The following DMXL2 variants were observed in gnomAD, a reference collection of about 807,000 sequenced individuals.
The protein encoded by DMXL2 is dmX-like protein 2.
In DMXL2, 103 loss-of-function variants were observed where a neutral mutation model predicts 331.1. The ratio of observed to expected loss-of-function variants is 0.31; its 90% CI spans 0.27 to 0.37. The LOEUF is 0.37. DMXL2 is among the 10% of genes least tolerant of loss of function. The pLI, the probability that DMXL2 is intolerant of heterozygous loss-of-function variation, is 1.00. For synonymous variants in DMXL2, 1,281 were observed against 1,252.1 expected (o/e 1.02, Z -0.49); for missense variants, 3,171 against 3,642.9 (o/e 0.87, Z 3.33).
At chr15:51,507,075 C>T (rs1296311832) in intron 16 of DMXL2, 59 bp downstream of exon 16, 4 of 1,327,684 alleles carry the variant, frequency 3.0e-6, no homozygotes, top group Non-Finnish European at 4.0e-6. Flanking sequence ...CAAAGTAAAG[C>T]ATATTCTATA....
rs2039718786 is a variant in DMXL2 at position 51,457,352 on chromosome 15, T to C, written c.8313A>G (p.Gly2771=). The C allele has an allele frequency of 3.1e-6, 5 of 1,614,158 alleles. No homozygotes were observed. Among genetic ancestry groups the C allele is most frequent in the Non-Finnish European group, 4.2e-6 (5 of 1,180,002 alleles). ...CCACACTAGCTCCAGTGCTAGTCTG[T>C]CCAGTGCCCAGCCATGGCAGAGATG... ...PPSSLPWLGT[G]QTSTGASVLM... The change falls in exon 37 of 44, where the codon GGA becomes GGG. Residue 2771 remains glycine (G), a synonymous_variant. Coordinates refer to ENST00000560891, the MANE Select transcript of DMXL2 (RefSeq NM_001378457.1).
intron 19 of DMXL2, among the ~76,000 whole-genome samples, chr15:51,492,179 A>G (rs2042850345): frequency 6.6e-6 from 1 of 152,200 alleles, no homozygotes; most frequent in African/African-American, 2.4e-5. Context: ...GGCCCGCCCA[A>G]GAGGACACAA....
At chr15:51,450,917 T>C (rs2141180044) in intron 42 of DMXL2, among the ~76,000 whole-genome samples, 1 of 149,810 alleles carries the variant, frequency 6.7e-6, no homozygotes, top group African/African-American at 2.5e-5. Flanking sequence ...TATTTCAAAA[T>C]GCATATCAGT....
At chr15:51,618,313 CTT>C (rs10577626) in intron 1 of DMXL2, among the ~76,000 whole-genome samples, 71,721 of 145,632 alleles carry the variant, frequency 0.49, 17,413 homozygotes, top group Non-Finnish European at 0.53. Context: ...TCTTGTAATT[CTT>C]TTTTTTTTTT....
chr15:51,479,332 C>G (rs2041837045), intron 25 of DMXL2, among the ~76,000 whole-genome samples: 1 of 152,184 alleles, frequency 6.6e-6, no homozygotes, highest in Admixed American at 6.5e-5. Flanking sequence ...AAAAGCATAG[C>G]ACAAATACAC....
At position 51,499,173 on chromosome 15, in the gene DMXL2, G is replaced by C. The variant is rs770865179; in HGVS notation, c.4051C>G (p.Gln1351Glu). 6.2e-7 allele frequency: 1 copy of C among 1,614,020 alleles called. No homozygotes were observed. The highest frequency in any genetic ancestry group is 2.2e-5 in the East Asian group (1 of 44,878). The stretch of plus-strand genomic sequence containing the variant: ...CCTAAATCCATCAATTCTAACAGCT[G>C]AGTTGGATGATATTGTGGAAGAGTA... ...SPTLPQYHPT[Q>E]LLELMDLGKV... Residue 1351 changes from glutamine (Q) to glutamate (E), a missense_variant, in exon 18 of 44, where the codon CAG becomes GAG. This residue lies in a region of DMXL2 where 1,674 missense variants were observed against 1,780.2 expected (regional missense o/e 0.94). Coordinates refer to ENST00000560891, the MANE Select transcript of DMXL2 (RefSeq NM_001378457.1).
At chr15:51,604,420 T>C (rs1003710576) in intron 1 of DMXL2, among the ~76,000 whole-genome samples, 4 of 148,434 alleles carry the variant, frequency 2.7e-5, no homozygotes, top group Non-Finnish European at 5.9e-5. Context: ...AAAAGAAGCC[T>C]AGTGCTAATA....
rs189084197 is a variant in DMXL2 at position 51,462,461 on chromosome 15, G to T, written c.7926+918C>A. ...AGCAATTCTCTTACCTCAACCTCCC[G>T]AGCAGCTGGGATTACAGACATGCGC... is the stretch of plus-strand genomic sequence containing the variant. On this transcript the variant is annotated intron_variant, in intron 33 of 43. Transcript: ENST00000560891. 5.9e-5 allele frequency among the ~76,000 whole-genome samples: 9 copies of T among 152,030 alleles called. No homozygotes were observed. In the East Asian group the frequency reaches 1.7e-3, roughly 29 times the overall value.
At chr15:51,599,915 G>T (rs1410537503) in intron 1 of DMXL2, among the ~76,000 whole-genome samples, 1 of 151,864 alleles carries the variant, frequency 6.6e-6, no homozygotes, top group Non-Finnish European at 1.5e-5. Flanking sequence ...TAGCCAGGAT[G>T]GTCTCAATCT....
chr15:51,553,577 T>C (rs1266909177), intron 6 of DMXL2, among the ~76,000 whole-genome samples: 3 of 152,218 alleles, frequency 2.0e-5, no homozygotes, highest in Non-Finnish European at 4.4e-5. Flanking sequence ...TTCTTCTGCC[T>C]CTGCCACCCA....
chr15:51,541,794 T>C (rs2048611976), intron 9 of DMXL2, among the ~76,000 whole-genome samples: 1 of 152,086 alleles, frequency 6.6e-6, no homozygotes, highest in South Asian at 2.1e-4. Flanking sequence ...AAATATGCAT[T>C]TGCCAACACA....
intron 13 of DMXL2, among the ~76,000 whole-genome samples, chr15:51,526,102 G>A (rs1441873291): frequency 6.9e-6 from 1 of 144,744 alleles, no homozygotes; most frequent in Non-Finnish European, 1.5e-5. Flanking sequence ...TCAGAAAAGA[G>A]AGAGAGAAAG....
chr15:51,458,778 G>A lies in DMXL2; in HGVS notation c.8007C>T (p.Gly2669=). The A allele has an allele frequency of 6.2e-7, 1 of 1,613,838 alleles. No individual in the cohort carries two copies. Among genetic ancestry groups the A allele is most frequent in the Non-Finnish European group, 8.5e-7 (1 of 1,179,888 alleles). Residue 2669 remains glycine (G), a synonymous_variant, in exon 35 of 44, where the codon GGC becomes GGT. Transcript: ENST00000560891. ...DCHIKVEADL[G]YPGGKAKVIH... is the part of the protein sequence containing the mutation. ...TGACTTTCGCCTTTCCACCTGGATA[G>A]CCCAGATCAGCTTCAACCTAGAAAA... is the stretch of plus-strand genomic sequence containing the variant.
chr15:51,609,509 T>G (rs1422044571), intron 1 of DMXL2, among the ~76,000 whole-genome samples: 2 of 152,208 alleles, frequency 1.3e-5, no homozygotes, highest in Non-Finnish European at 2.9e-5. Flanking sequence ...TTAGATATGT[T>G]TAGATACACA....
chr15:51,583,370 T>C (rs1444546041), intron 1 of DMXL2, among the ~76,000 whole-genome samples: 1 of 87,076 alleles, frequency 1.1e-5, no homozygotes, highest in African/African-American at 4.3e-5. Context: ...AGTGAGAATA[T>C]GCGGTGTTTG....
rs1256791189 is a variant in DMXL2 at position 51,456,356 on chromosome 15, T to A, written c.8351A>T (p.Asn2784Ile). The change falls in exon 38 of 44, where the codon AAT (asparagine) becomes ATT (isoleucine). Residue 2784 changes from asparagine (N) to isoleucine (I), a missense_variant. Asn to Ile is a moderately radical substitution (Grantham distance 149). Around this residue, in one of 7 missense-constraint regions of DMXL2, gnomAD observed 766 missense variants for 940.5 expected, o/e 0.81. Coordinates refer to ENST00000560891, the MANE Select transcript of DMXL2 (RefSeq NM_001378457.1). ...AGTCATTCTCTTAACATTATGTAGA[T>A]TCCTTTTCATAAGCTTTAAAAGAAA... ...STGASVLMKR[N>I]LHNVKRMTSH... 6.3e-7 allele frequency: 1 copy of A among 1,585,884 alleles called. No homozygotes were observed. The highest frequency in any genetic ancestry group is 1.4e-5 in the African/African-American group (1 of 73,294).
chr15:51,450,348 TGAA>T lies in DMXL2; in HGVS notation c.8750-5_8750-3del. ...CACCATGATCGTGGCACGTGAAACC[TGAA>T]GAAGAAAAACATCAGAGAATTTCTC... is the stretch of plus-strand genomic sequence containing the variant. On this transcript the variant is annotated splice_polypyrimidine_tract_variant and splice_region_variant and intron_variant, in intron 42 of 43. Coordinates refer to ENST00000560891, the MANE Select transcript of DMXL2 (RefSeq NM_001378457.1). The T allele has an allele frequency of 6.2e-6, 10 of 1,613,752 alleles. No homozygotes were observed. The Middle Eastern group carries it at 4.9e-4, about 80-fold the overall frequency.
chr15:51,558,603 C>A (rs867572904), intron 6 of DMXL2, among the ~76,000 whole-genome samples: 11 of 152,164 alleles, frequency 7.2e-5, no homozygotes, highest in African/African-American at 2.4e-4. Context: ...CACATGATTG[C>A]AGTCTTCCTG....
At chr15:51,520,871 A>C (rs182151975) in intron 13 of DMXL2, among the ~76,000 whole-genome samples, 172 of 152,228 alleles carry the variant, frequency 1.1e-3, no homozygotes, top group Non-Finnish European at 2.0e-3. Flanking sequence ...TAAATAAATA[A>C]ATAAATACAT....
Sources: gnomAD v4.1 joint callset for allele counts (sites outside exome capture counted in the v4.1 genomes callset) on GRCh38, gnomAD v4.1.1 for gene constraint, gnomAD v4.1.1 regional missense constraint, MANE v1.5 for transcripts, NCBI Gene and HGNC (gene_info 2026-07-23, HGNC 2026-07-21) for gene names.